STN1: variants seen among roughly 807,000 people sequenced by gnomAD.
STN1 encodes STN1 subunit of CST complex, also known as CST complex subunit STN1.
Under a neutral mutation model 45.5 loss-of-function variants are expected in STN1, and 29 were observed. That is an observed-to-expected ratio of 0.64 (90% confidence interval 0.47 to 0.87). The LOEUF (loss-of-function observed/expected upper bound fraction) is 0.87, where lower values mean the gene tolerates loss of function less well. Among genes scored for constraint, STN1 ranks in the 40% least tolerant of loss-of-function variants. STN1 has a pLI of 0.00. For missense variants in STN1, 376 were observed against 441.4 expected (o/e 0.85, Z 1.33); for synonymous variants, 148 against 159.0 (o/e 0.93, Z 0.52).
chr10:103,883,225 G>C (rs1001420550), intron 9 of STN1, among the ~76,000 whole-genome samples: 2 of 152,158 alleles, frequency 1.3e-5, no homozygotes, highest in African/African-American at 4.8e-5. Flanking sequence ...GAGCCCTCTT[G>C]AAACTCACAG....
At chr10:103,901,408 T>C (rs1843209471) in intron 4 of STN1, among the ~76,000 whole-genome samples, 1 of 152,156 alleles carries the variant, frequency 6.6e-6, no homozygotes, top group Non-Finnish European at 1.5e-5. Flanking sequence ...TCACTAGCAC[T>C]GTATGGGGGC....
At chr10:103,888,539 A>C (rs1272700922) in intron 9 of STN1, among the ~76,000 whole-genome samples, 1 of 152,232 alleles carries the variant, frequency 6.6e-6, no homozygotes, top group African/African-American at 2.4e-5. Context: ...TGTCTTTTGC[A>C]AATTAACAGT....
At chr10:103,906,777 A>G (rs909898242) in intron 3 of STN1, among the ~76,000 whole-genome samples, 23 of 152,264 alleles carry the variant, frequency 1.5e-4, no homozygotes, top group African/African-American at 5.3e-4. Context: ...AAAAATGGCC[A>G]ATAAAAATAC....
chr10:103,896,767 C>T (rs752988269), intron 7 of STN1, among the ~76,000 whole-genome samples: 7 of 151,996 alleles, frequency 4.6e-5, no homozygotes, highest in Non-Finnish European at 7.4e-5. Context: ...AACTCCTGGC[C>T]TCAAGTGATC....
intron 2 of STN1, among the ~76,000 whole-genome samples, chr10:103,915,837 G>C (rs1843327250): frequency 6.6e-6 from 1 of 152,136 alleles, no homozygotes; most frequent in South Asian, 2.1e-4. Flanking sequence ...GTTTGGGGAT[G>C]AAACTGTTCC....
chr10:103,909,382 ATATATATG>A (rs1420275453), intron 3 of STN1, among the ~76,000 whole-genome samples: 7 of 86,810 alleles, frequency 8.1e-5, no homozygotes, highest in South Asian at 3.5e-4. Context: ...ATATATATGT[ATATATATG>A]TATATATGTA....
chr10:103,891,292 C>T (rs79024283), intron 8 of STN1, among the ~76,000 whole-genome samples: 3 of 152,116 alleles, frequency 2.0e-5, no homozygotes, highest in East Asian at 1.9e-4. Context: ...TATGGAATAC[C>T]CTGAGGATGT....
In STN1 at chr10:103,880,893, A is replaced by G. The variant is rs1426741388; in HGVS notation, c.*1791T>C. ...TGGTCGACTGTGTGTGTGTATATAT[A>G]TATATATGTACATGTGCTACATTTA... is the stretch of plus-strand genomic sequence containing the variant. On this transcript the variant is annotated 3_prime_UTR_variant, in exon 10 of 10. Coordinates refer to ENST00000224950, the MANE Select transcript of STN1 (RefSeq NM_024928.5). Among the ~76,000 whole-genome samples the G allele has an allele frequency of 6.6e-6, 1 of 152,114 alleles. No homozygotes were observed. Among genetic ancestry groups the G allele is most frequent in the East Asian group, 1.9e-4 (1 of 5,192 alleles).
chr10:103,894,780 G>A (rs1843161075), intron 7 of STN1, among the ~76,000 whole-genome samples: 1 of 151,424 alleles, frequency 6.6e-6, no homozygotes, highest in Non-Finnish European at 1.5e-5. Context: ...TCTCAGGTCA[G>A]GAACTGGGTG....
chr10:103,897,466 G>A (rs1374779883), intron 7 of STN1, 82 bp downstream of exon 7: 1 of 1,215,754 alleles, frequency 8.2e-7, no homozygotes, highest in Non-Finnish European at 1.2e-6. Flanking sequence ...GAATCTTCAT[G>A]CCACAGTCAC....
chr10:103,914,374 AT>A (rs1264013304), intron 2 of STN1, among the ~76,000 whole-genome samples: 24 of 97,346 alleles, frequency 2.5e-4, no homozygotes, highest in Non-Finnish European at 3.0e-4. Flanking sequence ...ATATATATAT[AT>A]TTTTTTTTTT....
chr10:103,905,025 A>C (rs1843231586), intron 4 of STN1, 66 bp downstream of exon 4: 2 of 1,415,816 alleles, frequency 1.4e-6, no homozygotes, highest in Admixed American at 3.4e-5. Flanking sequence ...AGCTGTTTTG[A>C]TGAACTACAT....
intron 2 of STN1, 86 bp downstream of exon 2, chr10:103,917,376 T>C (rs1313639742): frequency 7.5e-7 from 1 of 1,335,440 alleles, no homozygotes; most frequent in African/African-American, 1.5e-5. Flanking sequence ...AAGGCTCTCC[T>C]AAAAGCCTCT....
chr10:103,900,339 T>C (rs1435384294), intron 4 of STN1, 116 bp from the exon 5 acceptor site: 3 of 971,124 alleles, frequency 3.1e-6, no homozygotes, highest in South Asian at 1.7e-5. Flanking sequence ...ATTCTACTTC[T>C]GAGTAATTGT....
Position 103,898,873 on chromosome 10 carries a change from T to TTG in STN1, c.581+3_581+4insCA. On this transcript the variant is annotated splice_donor_region_variant and intron_variant, in intron 6 of 9. Transcript: ENST00000224950. ...GTGCTCAGCAGTGATAAGTCACCAC[T>TTG]TACCTTAGTGCCTCTTCTTTCTCTA... The TTG allele has an allele frequency of 6.2e-7, 1 of 1,613,656 alleles. No individual in the cohort carries two copies. Among genetic ancestry groups the TTG allele is most frequent in the Non-Finnish European group, 8.5e-7 (1 of 1,179,888 alleles).
In STN1 at chr10:103,904,179, AC is replaced by A. The variant is rs1426542054; in HGVS notation, c.295+911del. 2.6e-5 allele frequency among the ~76,000 whole-genome samples: 4 copies of A among 152,272 alleles called. No individual in the cohort carries two copies. In the East Asian group the frequency reaches 7.7e-4, roughly 29 times the overall value. On this transcript the variant is annotated intron_variant, in intron 4 of 9. Coordinates refer to ENST00000224950, the MANE Select transcript of STN1 (RefSeq NM_024928.5). ...TAGAGCAGGCAGTGTTTACTGAATA[AC>A]CCCACTGTGTATGGCACTATACTGT...
chr10:103,899,108 G>A (rs1843190512), intron 5 of STN1, 108 bp from the exon 6 acceptor site: 1 of 1,215,730 alleles, frequency 8.2e-7, no homozygotes, highest in South Asian at 1.4e-5. Flanking sequence ...GAGGTGCTGG[G>A]TGGGCCTCCT....
chr10:103,894,475 A>G (rs1031684998), intron 7 of STN1, among the ~76,000 whole-genome samples: 2 of 152,184 alleles, frequency 1.3e-5, no homozygotes, highest in Non-Finnish European at 2.9e-5. Context: ...AAATATAAAC[A>G]ATACTTGAAG....
chr10:103,897,026 C>T (rs1165677093), intron 7 of STN1, among the ~76,000 whole-genome samples: 2 of 152,122 alleles, frequency 1.3e-5, no homozygotes, highest in East Asian at 1.9e-4. Context: ...CAAAATGATT[C>T]GCGAACTTGA....
Sources: allele counts gnomAD v4.1 joint callset (sites outside exome capture counted in the v4.1 genomes callset), GRCh38; gene constraint gnomAD v4.1.1; transcripts MANE v1.5; gene names NCBI Gene and HGNC (gene_info 2026-07-23, HGNC 2026-07-21).